The following VPS53 variants were observed in gnomAD, a reference collection of about 807,000 sequenced individuals.
The protein encoded by VPS53 is VPS53 subunit of GARP complex, also known as vacuolar protein sorting-associated protein 53 homolog.
VPS53 carries 70 observed loss-of-function variants against 107.0 expected under a neutral mutation model. The ratio of observed to expected loss-of-function variants is 0.65; its 90% CI spans 0.54 to 0.80. VPS53 has a LOEUF of 0.80. Ranked by LOEUF, VPS53 falls within the 30% of genes least tolerant of loss-of-function variation. VPS53 has a pLI of 0.00. For synonymous variants in VPS53, 409 were observed against 393.3 expected, an observed-to-expected ratio of 1.04 and a Z score of -0.47; for missense variants, 917 against 1,049.4, an observed-to-expected ratio of 0.87 and a Z score of 1.74.
rs534227883 is a variant in VPS53 at position 712,197 on chromosome 17, T to C, written c.88-1584A>G. ...TTCGCCTTTTTTTTTTTTTTTTTTTTCGAGATGGAGTCTCACTCTGTCGCT... is the reference window on the plus strand; with the variant it reads ...TTCGCCTTTTTTTTTTTTTTTTTTTCCGAGATGGAGTCTCACTCTGTCGCT... On this transcript the variant is annotated intron_variant, in intron 1 of 21. Coordinates refer to ENST00000437048, the MANE Select transcript of VPS53 (RefSeq NM_001128159.3). 9.7e-4 allele frequency among the ~76,000 whole-genome samples: 119 copies of C among 122,446 alleles called. 1 individual carries two copies. Among genetic ancestry groups the C allele is most frequent in the Middle Eastern group, 5.1e-3 (1 of 196 alleles). 80.3% of individuals were successfully genotyped at this position (122,446 alleles called of 152,430 possible). A position where few individuals can be genotyped will look rare whatever the true frequency, so the allele number is the denominator to read the frequency against.
At chr17:633,968 G>A (rs1462953656) in intron 7 of VPS53, among the ~76,000 whole-genome samples, 2 of 152,194 alleles carry the variant, frequency 1.3e-5, no homozygotes, top group African/African-American at 4.8e-5. Context: ...CACAGCACCA[G>A]TTCCCTCCTA....
chr17:509,657 C>CCCGG lies in VPS53; in HGVS notation c.*9470_*9471insCCGG, dbSNP rs1907819271. 5.9e-6 allele frequency: 1 copy of CCCGG among 170,536 alleles called. No individual in the cohort carries two copies. Among genetic ancestry groups the CCCGG allele is most frequent in the African/African-American group, 2.5e-5 (1 of 40,678 alleles). 10.6% of individuals were successfully genotyped at this position (170,536 alleles called of 1,614,324 possible). ...GCCCCTCACTGGTCACGTATCGCATCCTGGCTCGCCCCTCACTGGTCACGT... is the reference window on the plus strand; with the variant it reads ...GCCCCTCACTGGTCACGTATCGCATCCCGGCTGGCTCGCCCCTCACTGGTCACGT... On this transcript the variant is annotated 3_prime_UTR_variant, in exon 22 of 22. Coordinates refer to ENST00000437048, the MANE Select transcript of VPS53 (RefSeq NM_001128159.3).
At chr17:610,963 A>C (rs1325163071) in intron 11 of VPS53, among the ~76,000 whole-genome samples, 1 of 151,968 alleles carries the variant, frequency 6.6e-6, no homozygotes. Context: ...AAGTTATAGA[A>C]TATATCTAGA....
At chr17:697,557 A>G (rs1406562313) in intron 3 of VPS53, 73 bp from the exon 4 acceptor site, 7 of 1,288,688 alleles carry the variant, frequency 5.4e-6, no homozygotes, top group African/African-American at 1.5e-5. Flanking sequence ...AAAAAAGTAA[A>G]AAGTAATTTA....
At chr17:568,766 G>T (rs955409857) in intron 13 of VPS53, among the ~76,000 whole-genome samples, 2 of 152,196 alleles carry the variant, frequency 1.3e-5, no homozygotes, top group Non-Finnish European at 2.9e-5. Context: ...GTAGAAGGCA[G>T]TTGCCAACGT....
At chr17:714,298 AAGCCCCCAC>A in intron 1 of VPS53, 1 of 335,058 alleles carries the variant, frequency 3.0e-6, no homozygotes, top group Non-Finnish European at 5.5e-6. Flanking sequence ...TAAATGCATG[AAGCCCCCAC>A]AGTCCCCAGA....
At chr17:689,566 T>G (rs1274517624) in intron 4 of VPS53, among the ~76,000 whole-genome samples, 1 of 146,624 alleles carries the variant, frequency 6.8e-6, no homozygotes, top group African/African-American at 2.5e-5. Flanking sequence ...CTCCACTTCC[T>G]AGGTTCAAGT....
At chr17:630,636 G>A (rs963551138) in intron 8 of VPS53, among the ~76,000 whole-genome samples, 1 of 152,200 alleles carries the variant, frequency 6.6e-6, no homozygotes, top group South Asian at 2.1e-4. Context: ...AAAAGCTGGG[G>A]CCGCTACTCC....
At chr17:572,316 C>T (rs1248994259) in intron 13 of VPS53, among the ~76,000 whole-genome samples, 15 of 150,794 alleles carry the variant, frequency 9.9e-5, no homozygotes, top group Non-Finnish European at 2.1e-4. Flanking sequence ...GCAACCGCCC[C>T]GTCTGAGAAG....
chr17:623,510 C>G, intron 11 of VPS53, 23 bp downstream of exon 11: 11 of 1,597,500 alleles, frequency 6.9e-6, no homozygotes, highest in Non-Finnish European at 9.4e-6. Context: ...TTTCACGTGG[C>G]AGCTCCCTAG....
At chr17:675,972 C>A (rs1375051978) in intron 4 of VPS53, among the ~76,000 whole-genome samples, 1 of 151,978 alleles carries the variant, frequency 6.6e-6, no homozygotes, top group Non-Finnish European at 1.5e-5. Flanking sequence ...AAATTAGAAA[C>A]CCCGGCATGG....
intron 12 of VPS53, among the ~76,000 whole-genome samples, chr17:593,407 C>T (rs1246889760): frequency 6.6e-6 from 1 of 152,150 alleles, no homozygotes; most frequent in African/African-American, 2.4e-5. Flanking sequence ...GCAACCTACT[C>T]ATCTGACAAA....
At chr17:666,863 G>C (rs1971713299) in intron 4 of VPS53, among the ~76,000 whole-genome samples, 1 of 152,148 alleles carries the variant, frequency 6.6e-6, no homozygotes. Context: ...AAGCTGCAGT[G>C]AGCCAAGATG....
chr17:692,138 C>T (rs944964539), intron 4 of VPS53, among the ~76,000 whole-genome samples: 26 of 152,112 alleles, frequency 1.7e-4, no homozygotes, highest in African/African-American at 5.6e-4. Flanking sequence ...TACTGACGAC[C>T]GGTCAACGTT....
chr17:564,484 G>A (rs1051550279), intron 13 of VPS53, among the ~76,000 whole-genome samples: 1 of 149,868 alleles, frequency 6.7e-6, no homozygotes, highest in Non-Finnish European at 1.5e-5. Context: ...AGCTTGCAGT[G>A]AGCTGAGACT....
At chr17:621,921 T>C (rs953336279) in intron 11 of VPS53, among the ~76,000 whole-genome samples, 3 of 152,152 alleles carry the variant, frequency 2.0e-5, no homozygotes, top group Non-Finnish European at 4.4e-5. Flanking sequence ...TATTCTGTTA[T>C]TAAAGGATAG....
At chr17:649,644 T>G (rs182335274) in intron 7 of VPS53, among the ~76,000 whole-genome samples, 36 of 115,432 alleles carry the variant, frequency 3.1e-4, no homozygotes, top group East Asian at 8.0e-4. Flanking sequence ...AGCTTACACT[T>G]GAGGACAGAG....
At chr17:544,113 A>T (rs1248134325) in intron 17 of VPS53, among the ~76,000 whole-genome samples, 2 of 152,132 alleles carry the variant, frequency 1.3e-5, no homozygotes, top group Non-Finnish European at 2.9e-5. Flanking sequence ...TATTCAACGC[A>T]GATTGGAATA....
intron 4 of VPS53, among the ~76,000 whole-genome samples, chr17:669,430 A>T (rs150234062): frequency 3.3e-5 from 5 of 152,090 alleles, no homozygotes; most frequent in Non-Finnish European, 5.9e-5. Flanking sequence ...TCTCTACTAA[A>T]AATACTAAAA....
Sources: gnomAD v4.1 joint callset for allele counts (sites outside exome capture counted in the v4.1 genomes callset) on GRCh38, gnomAD v4.1.1 for gene constraint, MANE v1.5 for transcripts, NCBI Gene and HGNC (gene_info 2026-07-23, HGNC 2026-07-21) for gene names.